The following WBP2NL variants were observed in gnomAD, a reference collection of about 807,000 sequenced individuals.
WBP2NL encodes WBP2 N-terminal like, also known as postacrosomal sheath WW domain-binding protein.
In WBP2NL, 27 loss-of-function variants were observed where a neutral mutation model predicts 23.3. That is an observed-to-expected ratio of 1.16 (90% confidence interval 0.85 to 1.60). The LOEUF is 1.60. Among genes scored for constraint, WBP2NL ranks in the 40% most tolerant of loss-of-function variants. The pLI, the probability that WBP2NL is intolerant of heterozygous loss-of-function variation, is 0.00. For synonymous variants in WBP2NL, 151 were observed against 145.9 expected (o/e 1.03, Z -0.25); for missense variants, 370 against 389.5 (o/e 0.95, Z 0.42).
intron 8 of WBP2NL, among the ~76,000 whole-genome samples, chr22:42,051,920 A>G (rs565764929): frequency 6.6e-6 from 1 of 152,348 alleles, no homozygotes; most frequent in Non-Finnish European, 1.5e-5. Flanking sequence ...ATATTATAAT[A>G]CATTATCCCC....
chr22:42,012,520 C>G (rs1922913875), intron 1 of WBP2NL, among the ~76,000 whole-genome samples: 2 of 151,944 alleles, frequency 1.3e-5, no homozygotes, highest in Admixed American at 1.3e-4. Flanking sequence ...TTTCCTTGTG[C>G]TGTTGATTTC....
intron 1 of WBP2NL, chr22:42,003,367 A>T (rs1441296523): frequency 6.6e-6 from 1 of 152,644 alleles, no homozygotes; most frequent in Non-Finnish European, 1.5e-5. Context: ...TCTGTCTTAC[A>T]CTAAATGTGG....
At chr22:42,013,892 G>A (rs747498605) in intron 1 of WBP2NL, among the ~76,000 whole-genome samples, 48 of 151,432 alleles carry the variant, frequency 3.2e-4, no homozygotes, top group Non-Finnish European at 5.4e-4. Context: ...GCAATTCTCC[G>A]GCCTCAGCCT....
chr22:42,057,693 T>G (rs1241737774), intron 8 of WBP2NL, among the ~76,000 whole-genome samples: 1 of 151,126 alleles, frequency 6.6e-6, no homozygotes, highest in African/African-American at 2.4e-5. Flanking sequence ...TAGTTCGTAC[T>G]GGACTATTTT....
In WBP2NL at chr22:42,052,979, T is replaced by G. The variant is rs112667165; in HGVS notation, c.*274-5311T>G. Among the ~76,000 whole-genome samples the G allele has an allele frequency of 1.6e-4, 24 of 152,318 alleles. 1 individual carries two copies. The highest frequency in any genetic ancestry group is 5.1e-4 in the African/African-American group (21 of 41,576). On this transcript the variant is annotated intron_variant and NMD_transcript_variant, in intron 8 of 8. Transcript: ENST00000436265. ...TACCTAAAAAGAAACCCCATAACCA[T>G]TAGCAATCACTTCTCATTTCCTCTT...
chr22:42,012,326 T>C (rs1393062292), intron 1 of WBP2NL, among the ~76,000 whole-genome samples: 1 of 152,176 alleles, frequency 6.6e-6, no homozygotes, highest in Non-Finnish European at 1.5e-5. Context: ...ATCTTTCTTC[T>C]TTATTAAAGT....
rs562734602 is a variant in WBP2NL, at chr22:42,018,103, C to T, written c.63-1208C>T. On this transcript the variant is annotated intron_variant, in intron 1 of 5. Coordinates refer to ENST00000328823, the MANE Select transcript of WBP2NL (RefSeq NM_152613.3). Reference sequence around the variant, plus strand: ...GGCGGAGGTTGCAGTGAGCCGAGATCGAGCCATTGCACTCAAACCTGGGGG... The same window carrying T: ...GGCGGAGGTTGCAGTGAGCCGAGATTGAGCCATTGCACTCAAACCTGGGGG... 5.4e-5 allele frequency among the ~76,000 whole-genome samples: 8 copies of T among 148,994 alleles called. No individual in the cohort carries two copies. In the East Asian group the frequency reaches 5.9e-4, roughly 11 times the overall value.
At chr22:42,004,583 AGAGT>A (rs764112719) in intron 1 of WBP2NL, among the ~76,000 whole-genome samples, 12 of 152,276 alleles carry the variant, frequency 7.9e-5, no homozygotes, top group Middle Eastern at 6.8e-3. Context: ...CCTGGGTGAC[AGAGT>A]GAGACCCTGT....
At chr22:42,034,075 C>T (rs1465698658), downstream of WBP2NL, among the ~76,000 whole-genome samples, 1 of 152,220 alleles carries the variant, frequency 6.6e-6, no homozygotes, top group African/African-American at 2.4e-5. Flanking sequence ...CCCTCAGTTT[C>T]CTTCTATGCT....
downstream of WBP2NL, among the ~76,000 whole-genome samples, chr22:42,033,222 G>A (rs12168450): frequency 7.0e-3 from 1,067 of 152,284 alleles, 13 homozygotes; most frequent in African/African-American, 0.024. Context: ...AGCTCTCCAC[G>A]AGGCTGCAGC....
downstream of WBP2NL, among the ~76,000 whole-genome samples, chr22:42,028,978 T>G (rs944485818): frequency 6.6e-6 from 1 of 152,240 alleles, no homozygotes; most frequent in African/African-American, 2.4e-5. Flanking sequence ...ATTTCCTAAT[T>G]GCTCCCTGGG....
intron 8 of WBP2NL, among the ~76,000 whole-genome samples, chr22:42,056,117 G>A (rs985172677): frequency 2.6e-5 from 4 of 151,742 alleles, no homozygotes; most frequent in Non-Finnish European, 5.9e-5. Context: ...TTCCATTACT[G>A]CCTTTTTTGT....
intron 5 of WBP2NL, 52 bp downstream of exon 5, chr22:42,022,408 G>A (rs754714754): frequency 4.7e-6 from 7 of 1,492,978 alleles, no homozygotes; most frequent in Admixed American, 3.8e-5. Flanking sequence ...TATGCCAGAG[G>A]CTCAAAGATC....
At chr22:42,051,238 C>G (rs1925828118) in intron 8 of WBP2NL, among the ~76,000 whole-genome samples, 1 of 152,042 alleles carries the variant, frequency 6.6e-6, no homozygotes, top group Non-Finnish European at 1.5e-5. Context: ...GTGAAAGAAG[C>G]CAATCTGAAA....
chr22:42,021,377 G>C (rs1923960872), intron 4 of WBP2NL, among the ~76,000 whole-genome samples: 1 of 152,190 alleles, frequency 6.6e-6, no homozygotes, highest in African/African-American at 2.4e-5. Flanking sequence ...AGTGTGGTAG[G>C]CTGATAATGG....
chr22:42,027,631 G>A lies in WBP2NL; in HGVS notation c.*450G>A. 3.7e-6 allele frequency: 1 copy of A among 270,084 alleles called. No individual in the cohort carries two copies. Among genetic ancestry groups the A allele is most frequent in the Non-Finnish European group, 6.9e-6 (1 of 145,226 alleles). The allele number at this position is 270,084 out of a possible 1,614,324, so 16.7% of individuals were successfully genotyped here. A position where few individuals can be genotyped will look rare whatever the true frequency, so the allele number is the denominator to read the frequency against. On this transcript the variant is annotated 3_prime_UTR_variant, in exon 6 of 6. Coordinates refer to ENST00000328823, the MANE Select transcript of WBP2NL (RefSeq NM_152613.3). ...AGTAAGAGTGTTATAAATTACGGTG[G>A]ATCCACAAAATGGAGTATTATACAC...
At chr22:42,042,164 G>T (rs1162664303) in intron 8 of WBP2NL, among the ~76,000 whole-genome samples, 1 of 152,082 alleles carries the variant, frequency 6.6e-6, no homozygotes, top group Non-Finnish European at 1.5e-5. Flanking sequence ...ACCTATTTGG[G>T]ATCCTATGGG....
chr22:42,016,668 C>G lies in WBP2NL; in HGVS notation c.63-2643C>G, dbSNP rs528329008. On this transcript the variant is annotated intron_variant, in intron 1 of 5. Coordinates refer to ENST00000328823, the MANE Select transcript of WBP2NL (RefSeq NM_152613.3). Reference sequence around the variant, plus strand: ...TTTGCTTTATTTATTGCTTTTATGGCTAGACTGACATTTAAAGATTCCCAT... The same window carrying G: ...TTTGCTTTATTTATTGCTTTTATGGGTAGACTGACATTTAAAGATTCCCAT... Among the ~76,000 whole-genome samples, 5 of 152,288 alleles carry G rather than the reference C, an allele frequency of 3.3e-5. No individual in the cohort carries two copies. In the East Asian group the frequency reaches 9.7e-4, roughly 29 times the overall value.
At chr22:42,036,436 A>C (rs1925185117), downstream of WBP2NL, among the ~76,000 whole-genome samples, 1 of 152,108 alleles carries the variant, frequency 6.6e-6, no homozygotes, top group Admixed American at 6.5e-5. Context: ...GGCCTCCCAA[A>C]GTGCTGGGAT....
Sources: gnomAD v4.1 joint callset for allele counts (sites outside exome capture counted in the v4.1 genomes callset) on GRCh38, gnomAD v4.1.1 for gene constraint, MANE v1.5 for transcripts, NCBI Gene and HGNC (gene_info 2026-07-23, HGNC 2026-07-21) for gene names.